CDH2: variants seen among roughly 807,000 people sequenced by gnomAD.
CDH2 encodes cadherin-2.
Under a neutral mutation model 92.0 loss-of-function variants are expected in CDH2, and 17 were observed. That is an observed-to-expected ratio of 0.18 (90% CI 0.13 to 0.28). The LOEUF is 0.28. Among genes scored for constraint, CDH2 ranks in the 10% least tolerant of loss-of-function variants. CDH2 has a pLI of 1.00. For missense variants in CDH2, 862 were observed against 1,133.1 expected, an observed-to-expected ratio of 0.76 and a Z score of 3.44; for synonymous variants, 419 against 415.9, an observed-to-expected ratio of 1.01 and a Z score of -0.09.
intron 2 of CDH2, among the ~76,000 whole-genome samples, chr18:28,063,454 T>C (rs2014443969): frequency 6.6e-6 from 1 of 152,220 alleles, no homozygotes; most frequent in Non-Finnish European, 1.5e-5. Flanking sequence ...GAAGTCTTTC[T>C]CAGCTGGAGC....
intron 14 of CDH2, among the ~76,000 whole-genome samples, chr18:27,969,535 C>T (rs374770441): frequency 5.9e-5 from 9 of 152,166 alleles, no homozygotes; most frequent in East Asian, 5.8e-4. Context: ...TTTCCCGTTA[C>T]AAAATTATGG....
intron 2 of CDH2, among the ~76,000 whole-genome samples, chr18:28,081,087 C>T (rs1380441342): frequency 6.6e-6 from 1 of 152,120 alleles, no homozygotes; most frequent in East Asian, 1.9e-4. Context: ...CAACCATATG[C>T]AAAGGACCTT....
At chr18:28,117,281 G>A (rs981899327) in intron 2 of CDH2, among the ~76,000 whole-genome samples, 42 of 152,116 alleles carry the variant, frequency 2.8e-4, no homozygotes, top group Non-Finnish European at 4.9e-4. Context: ...GGCCAGACAT[G>A]TGATTGCAGG....
intron 2 of CDH2, among the ~76,000 whole-genome samples, chr18:28,062,079 T>C (rs992360916): frequency 1.3e-5 from 2 of 152,208 alleles, no homozygotes; most frequent in African/African-American, 2.4e-5. Flanking sequence ...GTACCACATA[T>C]ACCATAATCT....
intron 15 of CDH2, among the ~76,000 whole-genome samples, chr18:27,952,891 T>C (rs1206733532): frequency 5.3e-5 from 8 of 152,080 alleles, no homozygotes; most frequent in Non-Finnish European, 1.0e-4. Flanking sequence ...CATCAGGTTG[T>C]GGGGGAAAAA....
chr18:28,159,482 A>C (rs1161915541), intron 1 of CDH2, among the ~76,000 whole-genome samples: 1 of 152,178 alleles, frequency 6.6e-6, no homozygotes, highest in Non-Finnish European at 1.5e-5. Context: ...AATTCAAGAC[A>C]GGGAGGACAG....
At chr18:28,092,560 A>C (rs2015056791) in intron 2 of CDH2, among the ~76,000 whole-genome samples, 1 of 152,156 alleles carries the variant, frequency 6.6e-6, no homozygotes, top group African/African-American at 2.4e-5. Context: ...AAAAAAACAA[A>C]AGGATGAAAA....
intron 14 of CDH2, among the ~76,000 whole-genome samples, chr18:27,973,675 T>G (rs908035381): frequency 1.3e-5 from 2 of 152,186 alleles, no homozygotes; most frequent in Non-Finnish European, 2.9e-5. Flanking sequence ...CCTGGGTTTG[T>G]TAAGACTTCC....
At chr18:28,022,818 T>G (rs2013447200) in intron 2 of CDH2, among the ~76,000 whole-genome samples, 1 of 152,170 alleles carries the variant, frequency 6.6e-6, no homozygotes, top group Non-Finnish European at 1.5e-5. Context: ...TGAATCATTT[T>G]TATCCTTTTT....
At position 28,027,953 on chromosome 18, in the gene CDH2, C is replaced by T. The variant is rs181664633; in HGVS notation, c.173-14044G>A. On this transcript the variant is annotated intron_variant, in intron 2 of 15. Coordinates refer to ENST00000269141, the MANE Select transcript of CDH2 (RefSeq NM_001792.5). ...CAGGTGGCGTAGAAGCTCCCTTTTC[C>T]CAACTGTATCATTATTAGTCTCTGA... Among the ~76,000 whole-genome samples the T allele has an allele frequency of 1.3e-4, 19 of 151,884 alleles. No homozygotes were observed. The East Asian group carries it at 3.7e-3, about 29-fold the overall frequency.
chr18:28,079,707 A>C (rs1342301978), intron 2 of CDH2, among the ~76,000 whole-genome samples: 3 of 152,226 alleles, frequency 2.0e-5, no homozygotes. Flanking sequence ...GAGCCCTGTT[A>C]AGCAGGACAC....
Position 28,121,138 on chromosome 18 carries a change from C to T in CDH2, c.172+26535G>A, listed in dbSNP as rs531264666. Among the ~76,000 whole-genome samples the T allele has an allele frequency of 5.3e-4, 81 of 152,192 alleles. 2 individuals carry two copies. The Middle Eastern group carries it at 0.02, about 38-fold the overall frequency. On this transcript the variant is annotated intron_variant, in intron 2 of 15. Coordinates refer to ENST00000269141, the MANE Select transcript of CDH2 (RefSeq NM_001792.5). ...CAGCTTTCAATCAACTAAAAATGAC[C>T]GCAAGAAATCCTTAGCCTTCTGGTT...
chr18:27,983,183 T>C lies in CDH2; in HGVS notation c.2210-100A>G, dbSNP rs996129383. 7.3e-6 allele frequency: 6 copies of C among 827,396 alleles called. No individual in the cohort carries two copies. The African/African-American group carries it at 1.1e-4, about 15-fold the overall frequency. The allele number at this position is 827,396 out of a possible 1,614,324, so 51.3% of individuals were successfully genotyped here. On this transcript the variant is annotated intron_variant, in intron 13 of 15. Transcript: ENST00000269141. ...ACTAATAATTTATACTTATATGAAC[T>C]GAAGGCCTGAAATGCGTCTTTCACT... is the stretch of plus-strand genomic sequence containing the variant.
intron 1 of CDH2, among the ~76,000 whole-genome samples, chr18:28,167,372 G>T (rs2144363984): frequency 6.6e-6 from 1 of 152,116 alleles, no homozygotes; most frequent in South Asian, 2.1e-4. Context: ...GCCTTTAGCT[G>T]CAAAAAATGA....
intron 5 of CDH2, among the ~76,000 whole-genome samples, chr18:28,007,165 A>AAAAAAATATAT (rs1172779200): frequency 1.3e-3 from 143 of 110,452 alleles, no homozygotes; most frequent in African/African-American, 4.9e-3. Flanking sequence ...ATAAAAAAAA[A>AAAAAAATATAT]ATATATATAT....
intron 15 of CDH2, among the ~76,000 whole-genome samples, chr18:27,952,911 C>G (rs1359238931): frequency 6.6e-6 from 1 of 152,090 alleles, no homozygotes; most frequent in Non-Finnish European, 1.5e-5. Context: ...AAATTCACAT[C>G]AGCATTAAGA....
At chr18:27,983,443 A>T (rs1185941814) in intron 13 of CDH2, among the ~76,000 whole-genome samples, 1 of 152,186 alleles carries the variant, frequency 6.6e-6, no homozygotes, top group Non-Finnish European at 1.5e-5. Context: ...TAAATTCTAG[A>T]GACACAAAAC....
intron 2 of CDH2, among the ~76,000 whole-genome samples, chr18:28,100,321 A>G (rs1322421962): frequency 6.6e-6 from 1 of 152,220 alleles, no homozygotes; most frequent in Non-Finnish European, 1.5e-5. Context: ...TCTGAGTAAG[A>G]GAGAACTCCT....
chr18:28,088,540 A>G (rs1424950825), intron 2 of CDH2, among the ~76,000 whole-genome samples: 1 of 152,180 alleles, frequency 6.6e-6, no homozygotes. Flanking sequence ...CTTGCCTTTC[A>G]GCCTCATGTG....
Sources: allele counts gnomAD v4.1 joint callset (sites outside exome capture counted in the v4.1 genomes callset), GRCh38; gene constraint gnomAD v4.1.1; transcripts MANE v1.5; gene names NCBI Gene and HGNC (gene_info 2026-07-23, HGNC 2026-07-21).